Variants in JAZF1 observed in about 807,000 individuals in gnomAD.
The protein encoded by JAZF1 is juxtaposed with another zinc finger protein 1.
In JAZF1, 8 loss-of-function variants were observed where a neutral mutation model predicts 26.4. The ratio of observed to expected loss-of-function variants is 0.30; its 90% CI spans 0.18 to 0.55. The LOEUF (loss-of-function observed/expected upper bound fraction) is 0.55, where lower values mean the gene tolerates loss of function less well. Among genes scored for constraint, JAZF1 ranks in the 20% least tolerant of loss-of-function variants. JAZF1 has a pLI of 0.94. For missense variants in JAZF1, 199 were observed against 322.0 expected, an observed-to-expected ratio of 0.62 and a Z score of 2.92; for synonymous variants, 126 against 122.3, an observed-to-expected ratio of 1.03 and a Z score of -0.20.
intron 1 of JAZF1, among the ~76,000 whole-genome samples, chr7:28,143,161 G>A (rs1035822229): frequency 1.3e-5 from 2 of 152,140 alleles, no homozygotes; most frequent in Non-Finnish European, 1.5e-5. Context: ...ACTGCAGATT[G>A]ACTCAAACAC....
chr7:28,021,136 G>A (rs1433000605), intron 1 of JAZF1, among the ~76,000 whole-genome samples: 1 of 152,134 alleles, frequency 6.6e-6, no homozygotes, highest in East Asian at 1.9e-4. Flanking sequence ...CCATCACGGT[G>A]AAGTAAAGGA....
intron 1 of JAZF1, among the ~76,000 whole-genome samples, chr7:28,053,514 G>A (rs1783649185): frequency 1.3e-5 from 2 of 152,150 alleles, no homozygotes; most frequent in Admixed American, 1.3e-4. Context: ...CAATTACACA[G>A]ATAGGAGGAA....
intron 1 of JAZF1, among the ~76,000 whole-genome samples, chr7:28,043,017 G>A (rs1783420422): frequency 6.6e-6 from 1 of 152,120 alleles, no homozygotes; most frequent in Non-Finnish European, 1.5e-5. Context: ...GTCTCCTGCT[G>A]TACTATGATC....
At chr7:27,846,481 C>T in intron 3 of JAZF1, 1 of 470,722 alleles carries the variant, frequency 2.1e-6, no homozygotes, top group Non-Finnish European at 4.4e-6. Flanking sequence ...GTTTCCAATT[C>T]TTGTCTGCTG....
intron 1 of JAZF1, among the ~76,000 whole-genome samples, chr7:28,048,949 G>A (rs1383260518): frequency 5.3e-5 from 8 of 151,324 alleles, no homozygotes; most frequent in Non-Finnish European, 1.2e-4. Flanking sequence ...TCCAGAAGAG[G>A]CATGAGGAAA....
At chr7:28,083,522 T>C (rs1784168959) in intron 1 of JAZF1, among the ~76,000 whole-genome samples, 1 of 152,104 alleles carries the variant, frequency 6.6e-6, no homozygotes, top group African/African-American at 2.4e-5. Context: ...TTTAAGGCTG[T>C]TTGCAAAGCT....
At chr7:28,094,585 G>A (rs1784353460) in intron 1 of JAZF1, among the ~76,000 whole-genome samples, 1 of 152,074 alleles carries the variant, frequency 6.6e-6, no homozygotes, top group South Asian at 2.1e-4. Flanking sequence ...CTGAAAAGCA[G>A]CCATTTATCT....
chr7:27,887,115 C>T (rs534724262), intron 3 of JAZF1, among the ~76,000 whole-genome samples: 8 of 151,246 alleles, frequency 5.3e-5, no homozygotes, highest in Non-Finnish European at 1.2e-4. Context: ...TGGGGCCTTT[C>T]GGAGGGTGGA....
intron 2 of JAZF1, among the ~76,000 whole-genome samples, chr7:27,925,678 C>T (rs1303314362): frequency 6.6e-6 from 1 of 152,208 alleles, no homozygotes; most frequent in African/African-American, 2.4e-5. Flanking sequence ...CCTCTCGCCT[C>T]AGCCTCCCAA....
intron 1 of JAZF1, among the ~76,000 whole-genome samples, chr7:28,103,974 T>C (rs1317405405): frequency 6.6e-6 from 1 of 152,154 alleles, no homozygotes; most frequent in Admixed American, 6.5e-5. Flanking sequence ...CCTACGTGGG[T>C]GCCCACCACG....
intron 2 of JAZF1, chr7:27,913,424 T>C (rs1369079191): frequency 4.5e-6 from 2 of 444,514 alleles, no homozygotes; most frequent in Non-Finnish European, 9.3e-6. Context: ...AGAAGGGAGG[T>C]CTTCTCTAGG....
In JAZF1 at chr7:27,840,023, T is replaced by C. The variant is rs1280885191; in HGVS notation, c.555+675A>G. ...CTAGACCCATACTTGACTATTGTGC[T>C]GTTTCTCGTTGTTTTGTCCCTGTTC... On this transcript the variant is annotated intron_variant, in intron 4 of 4. Transcript: ENST00000283928. The surrounding 1 kb of genome is among the most constrained non-coding windows in gnomAD (Gnocchi z 5.1). 2.0e-5 allele frequency among the ~76,000 whole-genome samples: 3 copies of C among 152,200 alleles called. No individual in the cohort carries two copies. Among genetic ancestry groups the C allele is most frequent in the African/African-American group, 7.2e-5 (3 of 41,440 alleles).
chr7:27,895,636 C>T (rs1396991789), intron 2 of JAZF1, among the ~76,000 whole-genome samples: 1 of 152,078 alleles, frequency 6.6e-6, no homozygotes, highest in African/African-American at 2.4e-5. Flanking sequence ...CCATTTCTTA[C>T]CCAGCAAATC....
chr7:28,150,768 C>T (rs970236497), intron 1 of JAZF1, among the ~76,000 whole-genome samples: 6 of 152,218 alleles, frequency 3.9e-5, no homozygotes, highest in Admixed American at 3.3e-4. Context: ...CAGGCCACTT[C>T]GCCTCCAGGC....
chr7:27,924,236 C>T (rs1784578004), intron 2 of JAZF1, among the ~76,000 whole-genome samples: 1 of 152,166 alleles, frequency 6.6e-6, no homozygotes, highest in Non-Finnish European at 1.5e-5. Context: ...CGCCACCATG[C>T]CCGGCTGATT....
intron 3 of JAZF1, among the ~76,000 whole-genome samples, chr7:27,867,788 G>A (rs1243118006): frequency 6.6e-6 from 1 of 152,222 alleles, no homozygotes; most frequent in Non-Finnish European, 1.5e-5. Flanking sequence ...TAGACAGCGT[G>A]GCTGTCACTG....
chr7:28,031,494 G>A (rs1783192102), intron 1 of JAZF1, among the ~76,000 whole-genome samples: 1 of 152,214 alleles, frequency 6.6e-6, no homozygotes, highest in African/African-American at 2.4e-5. Context: ...CAGGAGGAAT[G>A]TAGCTGGCGA....
intron 1 of JAZF1, among the ~76,000 whole-genome samples, chr7:28,045,872 C>T (rs971035773): frequency 3.9e-5 from 6 of 152,158 alleles, no homozygotes; most frequent in Admixed American, 3.3e-4. Context: ...CTGTGCCTGG[C>T]CTGTTTTTAT....
At chr7:27,987,062 C>T (rs1484896712) in intron 2 of JAZF1, among the ~76,000 whole-genome samples, 2 of 152,270 alleles carry the variant, frequency 1.3e-5, no homozygotes, top group African/African-American at 4.8e-5. Flanking sequence ...ATTGCAGCCT[C>T]TGCCCGGCCG....
Sources: gnomAD v4.1 joint callset for allele counts (sites outside exome capture counted in the v4.1 genomes callset) on GRCh38, gnomAD v4.1.1 for gene constraint, Gnocchi (gnomAD v3.1) non-coding constraint, MANE v1.5 for transcripts, NCBI Gene and HGNC (gene_info 2026-07-23, HGNC 2026-07-21) for gene names.